The following CST7 variants were observed in gnomAD, a reference collection of about 807,000 sequenced individuals.
CST7 encodes the protein cystatin-F.
In CST7, 15 loss-of-function variants were observed where a neutral mutation model predicts 13.1. The observed-to-expected ratio is 1.14, with a 90% CI of 0.77 to 1.76. The LOEUF is 1.76. Ranked by LOEUF, CST7 falls within the 40% of genes most tolerant of loss-of-function variation. CST7 has a pLI of 0.00. For missense variants in CST7, 193 were observed against 178.8 expected (o/e 1.08, Z -0.45); for synonymous variants, 75 against 66.9 (o/e 1.12, Z -0.59).
In CST7 at chr20:24,952,598, C is replaced by T. The variant is rs2087827096; in HGVS notation, c.70+3023C>T. The stretch of plus-strand genomic sequence containing the variant: ...AGCACCTCTAAGCTGGACTTGCACC[C>T]CCCCAACACCCCAGTGCTCAGGCAC... On this transcript the variant is annotated intron_variant, in intron 1 of 3. Coordinates refer to ENST00000480798, the MANE Select transcript of CST7 (RefSeq NM_003650.4). 2.0e-5 allele frequency among the ~76,000 whole-genome samples: 3 copies of T among 152,204 alleles called. No homozygotes were observed. In the South Asian group the frequency reaches 6.2e-4, roughly 32 times the overall value.
chr20:24,955,622 T>C (rs1252111238), intron 1 of CST7, among the ~76,000 whole-genome samples: 1 of 152,106 alleles, frequency 6.6e-6, no homozygotes, highest in Non-Finnish European at 1.5e-5. Flanking sequence ...GCTAATTTTT[T>C]GTATTTTTAG....
chr20:24,954,356 G>C (rs1274773991), intron 1 of CST7, among the ~76,000 whole-genome samples: 2 of 152,190 alleles, frequency 1.3e-5, no homozygotes, highest in African/African-American at 4.8e-5. Context: ...TCAGTTGCAC[G>C]GAGCAAACCC....
rs1299954582 is a variant in CST7 at position 24,958,882 on chromosome 20, C to T, written c.244-46C>T. 3 of 1,413,636 alleles carry T rather than the reference C, an allele frequency of 2.1e-6. No homozygotes were observed. In the African/African-American group the frequency reaches 4.2e-5, roughly 20 times the overall value. 87.6% of individuals were successfully genotyped at this position (1,413,636 alleles called of 1,614,324 possible). ...CCTGCTTCCTAGTGGAGAAGCCTGC[C>T]CTCCCTCCCCTGTGCCCAGTAACCC... On this transcript the variant is annotated intron_variant, in intron 2 of 3. Transcript: ENST00000480798.
At chr20:24,952,542 G>A (rs1354767809) in intron 1 of CST7, among the ~76,000 whole-genome samples, 1 of 152,234 alleles carries the variant, frequency 6.6e-6, no homozygotes. Flanking sequence ...GGCTTGGGGT[G>A]AAGCGTCTCC....
chr20:24,959,718 G>C lies in CST7; in HGVS notation c.*6G>C. The C allele has an allele frequency of 6.2e-7, 1 of 1,613,736 alleles. No homozygotes were observed. Among genetic ancestry groups the C allele is most frequent in the East Asian group, 2.2e-5 (1 of 44,868 alleles). ...CTGTTCTCCGTTGTCACTGACCCCC[G>C]CCTCTTCAGCAAGACCACAGCCATG... On this transcript the variant is annotated 3_prime_UTR_variant, in exon 4 of 4. Transcript: ENST00000480798.
intron 1 of CST7, among the ~76,000 whole-genome samples, chr20:24,951,638 G>C (rs554817544): frequency 9.2e-5 from 14 of 152,262 alleles, no homozygotes; most frequent in African/African-American, 3.4e-4. Context: ...ATGACTGAGG[G>C]GGGTAGGGGG....
chr20:24,956,988 G>A (rs1269815008), intron 1 of CST7, among the ~76,000 whole-genome samples: 2 of 124,816 alleles, frequency 1.6e-5, no homozygotes, highest in East Asian at 2.3e-4. Flanking sequence ...GGGGTGTCGG[G>A]GGGGACAGGT....
rs971425157 is a variant in CST7, at chr20:24,958,465, C to A, written c.244-463C>A. Among the ~76,000 whole-genome samples the A allele has an allele frequency of 2.6e-5, 4 of 152,290 alleles. No homozygotes were observed. The East Asian group carries it at 7.7e-4, about 29-fold the overall frequency. On this transcript the variant is annotated intron_variant, in intron 2 of 3. Coordinates refer to ENST00000480798, the MANE Select transcript of CST7 (RefSeq NM_003650.4). ...GAATTTTTCTTCAACTCCTCTAAGA[C>A]CACAAATGAGAATGAACAAGGCGGC...
At chr20:24,949,857 A>G (rs1255754742) in intron 1 of CST7, among the ~76,000 whole-genome samples, 1 of 152,208 alleles carries the variant, frequency 6.6e-6, no homozygotes. Context: ...AGGTCTGAGA[A>G]AGGTCTAAGT....
Position 24,959,883 on chromosome 20 carries a change from G to A in CST7, c.*171G>A. 1.6e-6 allele frequency: 1 copy of A among 639,372 alleles called. No individual in the cohort carries two copies. Among genetic ancestry groups the A allele is most frequent in the Non-Finnish European group, 2.8e-6 (1 of 353,354 alleles). The allele number at this position is 639,372 out of a possible 1,614,324, so 39.6% of individuals were successfully genotyped here. On this transcript the variant is annotated 3_prime_UTR_variant, in exon 4 of 4. Coordinates refer to ENST00000480798, the MANE Select transcript of CST7 (RefSeq NM_003650.4). Reference sequence around the variant, plus strand: ...GGGCAGCTGGAATGGCAGCATGGTAGCACCTCCTAACAGATTAAATAGATC... The same window carrying A: ...GGGCAGCTGGAATGGCAGCATGGTAACACCTCCTAACAGATTAAATAGATC...
rs542971888 is a variant in CST7, at chr20:24,955,511, G to A, written c.71-1776G>A. On this transcript the variant is annotated intron_variant, in intron 1 of 3. Coordinates refer to ENST00000480798, the MANE Select transcript of CST7 (RefSeq NM_003650.4). ...GTTGCCCAGGCTGGAGTGCAGTGGC[G>A]CGATCTCGGCTCACTGCAAGCTCCG... 1.3e-3 allele frequency among the ~76,000 whole-genome samples: 200 copies of A among 149,910 alleles called. 2 individuals are homozygous for A. The highest frequency in any genetic ancestry group is 2.1e-3 in the Admixed American group (32 of 14,990).
chr20:24,950,404 C>T (rs1456578580), intron 1 of CST7, among the ~76,000 whole-genome samples: 1 of 152,234 alleles, frequency 6.6e-6, no homozygotes, highest in Non-Finnish European at 1.5e-5. Context: ...AAGAGGATGG[C>T]TCCAGAGCAC....
chr20:24,958,898 C>T, intron 2 of CST7, 30 bp from the exon 3 acceptor site: 1 of 1,536,924 alleles, frequency 6.5e-7, no homozygotes, highest in Non-Finnish European at 9.0e-7. Flanking sequence ...TCCCCTGTGC[C>T]CAGTAACCCA....
Position 24,959,845 on chromosome 20 carries a change from C to A in CST7, c.*133C>A. 1 of 826,090 alleles carries A rather than the reference C, an allele frequency of 1.2e-6. No individual in the cohort carries two copies. Among genetic ancestry groups the A allele is most frequent in the Middle Eastern group, 3.1e-4 (1 of 3,216 alleles). 51.2% of individuals were successfully genotyped at this position (826,090 alleles called of 1,614,324 possible). On this transcript the variant is annotated 3_prime_UTR_variant, in exon 4 of 4. Coordinates refer to ENST00000480798, the MANE Select transcript of CST7 (RefSeq NM_003650.4). Reference sequence around the variant, plus strand: ...TGACGAGTGAGCGGGTGAAGTGCCACTGGGTCACCGCAGGGCAGCTGGAAT... The same window carrying A: ...TGACGAGTGAGCGGGTGAAGTGCCAATGGGTCACCGCAGGGCAGCTGGAAT...
chr20:24,951,428 C>T (rs1035483839), intron 1 of CST7, among the ~76,000 whole-genome samples: 2 of 152,268 alleles, frequency 1.3e-5, no homozygotes, highest in African/African-American at 2.4e-5. Context: ...CCTGCCCAGG[C>T]GCTGTGATCA....
intron 1 of CST7, among the ~76,000 whole-genome samples, chr20:24,952,409 C>T (rs777049386): frequency 2.6e-5 from 4 of 152,190 alleles, no homozygotes; most frequent in African/African-American, 7.2e-5. Flanking sequence ...GTGCCAGGGG[C>T]ATGTGTGTGC....
chr20:24,949,567 C>G lies in CST7; in HGVS notation c.62C>G (p.Pro21Arg), dbSNP rs1429463311. The change falls in exon 1 of 4, where the codon CCT becomes CGT. Residue 21 changes from proline to arginine, a missense_variant. Transcript: ENST00000480798. ...CCLVLSTTGGPSPDTCSQDLN... is the reference protein window; with the variant it reads ...CCLVLSTTGGRSPDTCSQDLN... Reference sequence around the variant, plus strand: ...CTGGTCTTGAGCACCACTGGGGGCCCTTCCCCAGGTAAGTGGCGTTCTCCC... The same window carrying G: ...CTGGTCTTGAGCACCACTGGGGGCCGTTCCCCAGGTAAGTGGCGTTCTCCC... The G allele has an allele frequency of 6.2e-7, 1 of 1,614,086 alleles. No homozygotes were observed. The highest frequency in any genetic ancestry group is 1.1e-5 in the South Asian group (1 of 91,082).
At chr20:24,954,200 C>T (rs1157649596) in intron 1 of CST7, among the ~76,000 whole-genome samples, 2 of 152,222 alleles carry the variant, frequency 1.3e-5, no homozygotes, top group African/African-American at 4.8e-5. Context: ...GAATTAGTCA[C>T]ACCTGGGTTT....
chr20:24,953,938 G>T (rs1261420766), intron 1 of CST7, among the ~76,000 whole-genome samples: 1 of 152,116 alleles, frequency 6.6e-6, no homozygotes, highest in East Asian at 1.9e-4. Context: ...CTCCAGCGGG[G>T]TCTCCCCAAC....
Sources: allele counts gnomAD v4.1 joint callset (sites outside exome capture counted in the v4.1 genomes callset), GRCh38; gene constraint gnomAD v4.1.1; transcripts MANE v1.5; gene names NCBI Gene and HGNC (gene_info 2026-07-23, HGNC 2026-07-21).